The following ATP8A2 variants were observed in gnomAD, a reference collection of about 807,000 sequenced individuals.
ATP8A2 encodes the protein phospholipid-transporting ATPase IB.
In ATP8A2, 100 loss-of-function variants were observed where a neutral mutation model predicts 165.6. That is an observed-to-expected ratio of 0.60 (90% CI 0.51 to 0.71). The LOEUF is 0.71. Among genes scored for constraint, ATP8A2 ranks in the 30% least tolerant of loss-of-function variants. ATP8A2 has a pLI of 0.00. For synonymous variants in ATP8A2, 543 were observed against 548.8 expected, an observed-to-expected ratio of 0.99 and a Z score of 0.15; for missense variants, 1,227 against 1,479.5, an observed-to-expected ratio of 0.83 and a Z score of 2.80.
chr13:25,649,016 G>C (rs774885740), intron 24 of ATP8A2: 22 of 507,908 alleles, frequency 4.3e-5, no homozygotes, highest in Non-Finnish European at 8.7e-5. Context: ...TTTCATTAGG[G>C]TCAATTTTTG....
intron 33 of ATP8A2, among the ~76,000 whole-genome samples, chr13:25,956,211 A>C (rs1955516197): frequency 6.6e-6 from 1 of 152,236 alleles, no homozygotes; most frequent in Admixed American, 6.5e-5. Flanking sequence ...AACAGGCACA[A>C]GACAAGGATG....
At chr13:25,667,305 G>C (rs2042174601) in intron 24 of ATP8A2, among the ~76,000 whole-genome samples, 1 of 152,066 alleles carries the variant, frequency 6.6e-6, no homozygotes, top group African/African-American at 2.4e-5. Context: ...CCCCAGCATG[G>C]CAGTATTGGG....
At chr13:25,662,697 A>G (rs2042075331) in intron 24 of ATP8A2, among the ~76,000 whole-genome samples, 1 of 152,296 alleles carries the variant, frequency 6.6e-6, no homozygotes, top group South Asian at 2.1e-4. Context: ...GTGAGAAATG[A>G]GCCCTTGGCA....
At chr13:25,812,652 T>C (rs1262407914) in intron 27 of ATP8A2, among the ~76,000 whole-genome samples, 1 of 151,296 alleles carries the variant, frequency 6.6e-6, no homozygotes, top group African/African-American at 2.4e-5. Flanking sequence ...CCATTTACCA[T>C]TTCTGTGAAG....
rs563537524 is a variant in ATP8A2, at chr13:25,752,658, A to G, written c.2385-16388A>G. ...GAGACAGGGTCTCACTATGTTGCCC[A>G]GGCTGGAGTGCAGTGGCAGTGCAAG... On this transcript the variant is annotated intron_variant, in intron 25 of 36. Transcript: ENST00000381655. Among the ~76,000 whole-genome samples the G allele has an allele frequency of 7.2e-5, 11 of 152,280 alleles. No homozygotes were observed. In the South Asian group the frequency reaches 2.1e-3, roughly 29 times the overall value.
At chr13:25,755,530 T>G (rs892515866) in intron 25 of ATP8A2, among the ~76,000 whole-genome samples, 1 of 152,274 alleles carries the variant, frequency 6.6e-6, no homozygotes, top group Non-Finnish European at 1.5e-5. Context: ...CTGTAGGAAC[T>G]TACTATCTTA....
intron 33 of ATP8A2, among the ~76,000 whole-genome samples, chr13:25,876,825 A>G (rs1229096454): frequency 1.3e-5 from 2 of 152,206 alleles, no homozygotes; most frequent in African/African-American, 2.4e-5. Context: ...CCACTATTCA[A>G]ATAGAATTAA....
At chr13:25,526,548 T>G (rs2037847084) in intron 2 of ATP8A2, among the ~76,000 whole-genome samples, 1 of 152,188 alleles carries the variant, frequency 6.6e-6, no homozygotes, top group Non-Finnish European at 1.5e-5. Flanking sequence ...TAAGCCCAGG[T>G]TTGTCTCCAC....
intron 24 of ATP8A2, among the ~76,000 whole-genome samples, chr13:25,607,727 G>A (rs1396584976): frequency 1.3e-5 from 2 of 152,170 alleles, no homozygotes; most frequent in Admixed American, 1.3e-4. Context: ...AGCATTTTTG[G>A]GAGAATTGGA....
chr13:26,002,326 A>G (rs1053259002), intron 35 of ATP8A2, among the ~76,000 whole-genome samples: 6 of 152,098 alleles, frequency 3.9e-5, no homozygotes, highest in Non-Finnish European at 7.4e-5. Context: ...ACAGAAAACC[A>G]AACACCACAT....
intron 33 of ATP8A2, among the ~76,000 whole-genome samples, chr13:25,886,306 A>G (rs188236263): frequency 3.3e-5 from 5 of 152,304 alleles, no homozygotes; most frequent in African/African-American, 7.2e-5. Flanking sequence ...TGTTGCTGGG[A>G]TGAGGTCATA....
chr13:25,978,784 C>CA (rs1956116585), intron 35 of ATP8A2, among the ~76,000 whole-genome samples: 2 of 152,102 alleles, frequency 1.3e-5, no homozygotes, highest in Non-Finnish European at 1.5e-5. Flanking sequence ...ACTAAAAATA[C>CA]AAAAAATTAG....
chr13:25,859,877 A>G (rs935989129), intron 30 of ATP8A2, among the ~76,000 whole-genome samples: 14 of 152,226 alleles, frequency 9.2e-5, no homozygotes, highest in Non-Finnish European at 2.1e-4. Context: ...ATAGATGAGT[A>G]TGTTCTTACT....
chr13:25,531,408 GATTATAT>G (rs1453673729), intron 4 of ATP8A2, among the ~76,000 whole-genome samples: 2 of 33,962 alleles, frequency 5.9e-5, no homozygotes, highest in East Asian at 5.3e-4. Context: ...TTATATATAT[GATTATAT>G]ATATGATATA....
At chr13:25,660,622 T>C (rs552149780) in intron 24 of ATP8A2, among the ~76,000 whole-genome samples, 1 of 150,870 alleles carries the variant, frequency 6.6e-6, no homozygotes, top group Admixed American at 6.6e-5. Context: ...TAACTAAAGA[T>C]GACAAATTAT....
intron 8 of ATP8A2, 80 bp from the exon 9 acceptor site, chr13:25,541,839 G>T: frequency 2.0e-6 from 3 of 1,478,456 alleles, no homozygotes; most frequent in Admixed American, 1.9e-5. Context: ...TTTTCCTTTT[G>T]ATTAACCATA....
chr13:25,523,456 A>G (rs902467745), intron 2 of ATP8A2, among the ~76,000 whole-genome samples: 1 of 152,048 alleles, frequency 6.6e-6, no homozygotes, highest in African/African-American at 2.4e-5. Context: ...GTTCTTCTTT[A>G]AATGTTTCAT....
intron 6 of ATP8A2, among the ~76,000 whole-genome samples, chr13:25,535,616 T>C (rs2038252620): frequency 6.6e-6 from 1 of 152,068 alleles, no homozygotes; most frequent in African/African-American, 2.4e-5. Context: ...GAGCTCAAGA[T>C]CAGCCTGGGC....
At chr13:25,602,933 A>AT (rs753928343) in intron 24 of ATP8A2, among the ~76,000 whole-genome samples, 10 of 151,982 alleles carry the variant, frequency 6.6e-5, no homozygotes, top group Non-Finnish European at 1.2e-4. Flanking sequence ...TTAGCCAGGC[A>AT]TGGGGGGGTG....
Sources: gnomAD v4.1 joint callset for allele counts (sites outside exome capture counted in the v4.1 genomes callset) on GRCh38, gnomAD v4.1.1 for gene constraint, MANE v1.5 for transcripts, NCBI Gene and HGNC (gene_info 2026-07-23, HGNC 2026-07-21) for gene names.